Variants in ANO6 observed in about 807,000 individuals in gnomAD.
ANO6 encodes anoctamin-6.
A neutral mutation model predicts 117.5 loss-of-function variants in ANO6; 106 were observed. The ratio of observed to expected loss-of-function variants is 0.90; its 90% CI spans 0.77 to 1.06. ANO6 has a LOEUF of 1.06. Ranked by LOEUF, ANO6 falls within the 50% of genes least tolerant of loss-of-function variation. The probability of loss-of-function intolerance (pLI) is 0.00; values close to 1 mark genes in which losing one functional copy is unlikely to be tolerated. For missense variants in ANO6, 955 were observed against 1,121.1 expected, an observed-to-expected ratio of 0.85 and a Z score of 2.12; for synonymous variants, 367 against 385.1, an observed-to-expected ratio of 0.95 and a Z score of 0.55.
At chr12:45,385,328 A>C (rs78835947) in intron 10 of ANO6, among the ~76,000 whole-genome samples, 1 of 152,174 alleles carries the variant, frequency 6.6e-6, no homozygotes, top group Admixed American at 6.5e-5. Context: ...GAATGATTGC[A>C]TAATTACAGA....
chr12:45,352,737 A>AG (rs1941312224), intron 7 of ANO6, among the ~76,000 whole-genome samples: 1 of 151,960 alleles, frequency 6.6e-6, no homozygotes, highest in African/African-American at 2.4e-5. Flanking sequence ...CAAAAAAAAA[A>AG]AAAAAATTAT....
intron 1 of ANO6, among the ~76,000 whole-genome samples, chr12:45,221,877 CTTTT>C (rs71093866): frequency 8.0e-6 from 1 of 124,788 alleles, no homozygotes. Flanking sequence ...TCCCCGACTC[CTTTT>C]TTTTTTTTTT....
chr12:45,439,699 G>T lies in ANO6; in HGVS notation c.2551G>T (p.Gly851Ter). ...GTATCTCGCTTTGTTGCCCAGGCTGGGACACAGTGGCATGATCTTGGCTCA... is the reference window on the plus strand; with the variant it reads ...GTATCTCGCTTTGTTGCCCAGGCTGTGACACAGTGGCATGATCTTGGCTCA... Residue 851 changes from glycine to a stop codon, truncating the protein, a stop_gained, in exon 20 of 20, where the codon GGA (glycine) becomes TGA (stop). Transcript: ENST00000425752. LOFTEE classifies it low-confidence loss of function (END_TRUNC). The T allele has an allele frequency of 2.0e-6, 3 of 1,515,378 alleles. No homozygotes were observed. The highest frequency in any genetic ancestry group is 1.8e-6 in the Non-Finnish European group (2 of 1,132,002). The allele number at this position is 1,515,378 out of a possible 1,614,324, so 93.9% of individuals were successfully genotyped here.
Position 45,326,552 on chromosome 12 carries a change from G to A in ANO6, c.151-4743G>A. Among the ~76,000 whole-genome samples the A allele has an allele frequency of 2.0e-5, 3 of 152,228 alleles. No homozygotes were observed. In the South Asian group the frequency reaches 6.2e-4, roughly 32 times the overall value. ...TCTAAAATTAGCATGCCACATTCCA[G>A]TTGAGTGTCCACATTACAGAAAACA... On this transcript the variant is annotated intron_variant, in intron 2 of 19. Coordinates refer to ENST00000320560, the MANE Select transcript of ANO6 (RefSeq NM_001025356.3).
chr12:45,336,942 G>A (rs1320990333), intron 3 of ANO6, among the ~76,000 whole-genome samples: 1 of 152,050 alleles, frequency 6.6e-6, no homozygotes. Flanking sequence ...GGAGGTGGAA[G>A]ACAGTGATAC....
At chr12:45,319,003 A>G (rs1472798742) in intron 2 of ANO6, among the ~76,000 whole-genome samples, 1 of 152,188 alleles carries the variant, frequency 6.6e-6, no homozygotes, top group Non-Finnish European at 1.5e-5. Flanking sequence ...TATCAGCTTA[A>G]GGAGATTTTG....
intron 2 of ANO6, among the ~76,000 whole-genome samples, chr12:45,310,323 A>T (rs1394673484): frequency 6.6e-6 from 1 of 152,122 alleles, no homozygotes; most frequent in African/African-American, 2.4e-5. Flanking sequence ...ACAAATGATC[A>T]TTCTGTACTA....
At chr12:45,365,400 G>T (rs566114781) in intron 8 of ANO6, among the ~76,000 whole-genome samples, 1 of 152,284 alleles carries the variant, frequency 6.6e-6, no homozygotes, top group Non-Finnish European at 1.5e-5. Flanking sequence ...TTCTTTGGTT[G>T]ACCTCTTGTT....
intron 8 of ANO6, among the ~76,000 whole-genome samples, chr12:45,361,638 G>C (rs372677756): frequency 6.6e-6 from 1 of 152,004 alleles, no homozygotes; most frequent in Admixed American, 6.5e-5. Flanking sequence ...TTTTTTCATT[G>C]ATACTCTTTA....
intron 1 of ANO6, among the ~76,000 whole-genome samples, chr12:45,241,070 G>T (rs544838719): frequency 6.6e-6 from 1 of 152,264 alleles, no homozygotes; most frequent in East Asian, 1.9e-4. Context: ...GGTGTTCTCT[G>T]TATTCCCTGA....
At chr12:45,293,346 A>G (rs1051242572) in intron 1 of ANO6, among the ~76,000 whole-genome samples, 1 of 152,312 alleles carries the variant, frequency 6.6e-6, no homozygotes, top group Admixed American at 6.5e-5. Context: ...GAAGAAAAAC[A>G]ATGACCACAC....
intron 2 of ANO6, among the ~76,000 whole-genome samples, chr12:45,324,887 T>C (rs1466547510): frequency 6.6e-6 from 1 of 152,178 alleles, no homozygotes; most frequent in Admixed American, 6.6e-5. Context: ...GACACAGGTG[T>C]CTACTAACTT....
intron 1 of ANO6, among the ~76,000 whole-genome samples, chr12:45,273,950 G>A (rs1395107508): frequency 6.6e-6 from 1 of 152,214 alleles, no homozygotes; most frequent in Non-Finnish European, 1.5e-5. Context: ...TTCTCTTGGA[G>A]CTCATGCTTA....
intron 16 of ANO6, among the ~76,000 whole-genome samples, chr12:45,413,299 AT>A: frequency 6.6e-6 from 1 of 152,200 alleles, no homozygotes; most frequent in Non-Finnish European, 1.5e-5. Context: ...AGGGAGATGG[AT>A]TTGGTAAGTG....
At chr12:45,422,805 C>T in intron 18 of ANO6, 152 bp from the exon 19 acceptor site, 1 of 694,268 alleles carries the variant, frequency 1.4e-6, no homozygotes, top group Admixed American at 2.1e-5. Context: ...CACTCCTGGC[C>T]TCAAGTGATC....
chr12:45,293,732 T>TTG, intron 1 of ANO6, among the ~76,000 whole-genome samples: 1 of 121,580 alleles, frequency 8.2e-6, no homozygotes, highest in East Asian at 3.4e-4. Context: ...GGCTAATGTT[T>TTG]TTTTTTTTTT....
intron 9 of ANO6, among the ~76,000 whole-genome samples, chr12:45,368,172 G>T (rs1459294959): frequency 1.3e-5 from 2 of 152,118 alleles, no homozygotes; most frequent in African/African-American, 2.4e-5. Context: ...TTGAATTTTG[G>T]ATTTTGGAAT....
At chr12:45,376,757 A>T (rs1259228482) in intron 9 of ANO6, among the ~76,000 whole-genome samples, 4 of 151,566 alleles carry the variant, frequency 2.6e-5, no homozygotes, top group Non-Finnish European at 5.9e-5. Flanking sequence ...ATGCTAGATG[A>T]TGAGTTAGTG....
Position 45,350,762 on chromosome 12 carries a change from T to C in ANO6, c.851T>C (p.Leu284Ser). Residue 284 changes from leucine (L) to serine (S), a missense_variant, in exon 7 of 20, where the codon TTG becomes TCG. By Grantham distance (145) the Leu-to-Ser change is moderately radical. Transcript: ENST00000320560. Reference sequence around the variant, plus strand: ...CGAAGCATATACAAAAAGCAGCCCTTGGATCTTATCAGGTGAGGGGTTGTA... The same window carrying C: ...CGAAGCATATACAAAAAGCAGCCCTCGGATCTTATCAGGTGAGGGGTTGTA... ...HPRSIYKKQP[L>S]DLIRKYYGEK... 1 of 1,613,314 alleles carries C rather than the reference T, an allele frequency of 6.2e-7. No homozygotes were observed. Among genetic ancestry groups the C allele is most frequent in the Non-Finnish European group, 8.5e-7 (1 of 1,179,590 alleles).
Sources: allele counts gnomAD v4.1 joint callset (sites outside exome capture counted in the v4.1 genomes callset), GRCh38; gene constraint gnomAD v4.1.1; transcripts MANE v1.5; gene names NCBI Gene and HGNC (gene_info 2026-07-23, HGNC 2026-07-21).